Variants in DRG1 observed in about 807,000 individuals in gnomAD.
The protein encoded by DRG1 is developmentally regulated GTP binding protein 1, also known as developmentally-regulated GTP-binding protein 1.
In DRG1, 19 loss-of-function variants were observed where a neutral mutation model predicts 38.8. The ratio of observed to expected loss-of-function variants is 0.49; its 90% CI spans 0.34 to 0.72. The LOEUF (loss-of-function observed/expected upper bound fraction) is 0.72, where lower values mean the gene tolerates loss of function less well. DRG1 is among the 30% of genes least tolerant of loss of function. The pLI is 0.01. For synonymous variants in DRG1, 167 were observed against 157.5 expected, an observed-to-expected ratio of 1.06 and a Z score of -0.45; for missense variants, 299 against 444.8, an observed-to-expected ratio of 0.67 and a Z score of 2.95.
At chr22:31,430,319 A>G in intron 8 of DRG1, among the ~76,000 whole-genome samples, 1 of 151,960 alleles carries the variant, frequency 6.6e-6, no homozygotes, top group Non-Finnish European at 1.5e-5. Flanking sequence ...CTCACTATCC[A>G]TCATTTATCC....
At chr22:31,418,429 G>A (rs12485177) in intron 4 of DRG1, among the ~76,000 whole-genome samples, 4,994 of 152,224 alleles carry the variant, frequency 0.033, 205 homozygotes, top group Admixed American at 0.082. Flanking sequence ...CTGCACTCCA[G>A]CCTGAGTGAC....
chr22:31,423,165 T>G, intron 5 of DRG1, 115 bp from the exon 6 acceptor site: 2 of 1,293,140 alleles, frequency 1.5e-6, no homozygotes, highest in African/African-American at 1.5e-5. Context: ...CCCGGATGTA[T>G]TTAGTAATGA....
chr22:31,427,746 A>AT (rs1356917551), intron 8 of DRG1, among the ~76,000 whole-genome samples: 1 of 151,632 alleles, frequency 6.6e-6, no homozygotes, highest in African/African-American at 2.4e-5. Context: ...TTAATTTTTC[A>AT]TTTTTTGAGA....
At chr22:31,410,905 G>T in intron 3 of DRG1, 107 bp from the exon 4 acceptor site, 1 of 1,133,610 alleles carries the variant, frequency 8.8e-7, no homozygotes, top group Non-Finnish European at 1.3e-6. Context: ...TTGGATTTGG[G>T]TCTGATAAAT....
chr22:31,424,488 C>CTTTTTTTTTTTTTTTTTTTTT (rs398036881), intron 6 of DRG1, among the ~76,000 whole-genome samples: 1 of 71,396 alleles, frequency 1.4e-5, no homozygotes, highest in Non-Finnish European at 2.4e-5. Flanking sequence ...GCTTTGGTTT[C>CTTTTTTTTTTTTTTTTTTTTT]TTTTTTTTTT....
chr22:31,431,905 C>T (rs2050141272), intron 8 of DRG1, among the ~76,000 whole-genome samples: 1 of 152,092 alleles, frequency 6.6e-6, no homozygotes, highest in East Asian at 1.9e-4. Context: ...ATATATAGCT[C>T]TTTCCTTCTA....
At chr22:31,418,913 C>T (rs774280502) in intron 4 of DRG1, among the ~76,000 whole-genome samples, 4 of 152,036 alleles carry the variant, frequency 2.6e-5, no homozygotes, top group Non-Finnish European at 5.9e-5. Context: ...AATCAGCTCA[C>T]CTTGTGATCC....
chr22:31,414,136 A>C (rs1432114831), intron 4 of DRG1, among the ~76,000 whole-genome samples: 1 of 152,022 alleles, frequency 6.6e-6, no homozygotes, highest in Admixed American at 6.6e-5. Context: ...CCAACACCTA[A>C]TCTTGGAGAT....
Position 31,423,293 on chromosome 22 carries a change from A to G in DRG1, c.596A>G (p.Glu199Gly). The G allele has an allele frequency of 6.2e-7, 1 of 1,614,008 alleles. No homozygotes were observed. Among genetic ancestry groups the G allele is most frequent in the Non-Finnish European group, 8.5e-7 (1 of 1,180,030 alleles). ...ATTCCCTTTCAGTGCCCCCAGAGTG[A>G]GCTGGATGCTGAAACTGTGAAGAGC... is the stretch of plus-strand genomic sequence containing the variant. ...INLTATCPQS[E>G]LDAETVKSIL... Residue 199 changes from glutamate to glycine, a missense_variant, in exon 6 of 9, where the codon GAG (glutamate) becomes GGG (glycine). Coordinates refer to ENST00000331457, the MANE Select transcript of DRG1 (RefSeq NM_004147.4).
intron 1 of DRG1, 61 bp from the exon 2 acceptor site, chr22:31,400,559 T>C (rs1280463867): frequency 6.9e-6 from 11 of 1,589,094 alleles, no homozygotes; most frequent in Middle Eastern, 1.7e-4. Flanking sequence ...AAAATTATCC[T>C]CTCAAAGCTG....
At chr22:31,407,685 C>CT (rs71319190) in intron 3 of DRG1, among the ~76,000 whole-genome samples, 12,713 of 137,152 alleles carry the variant, frequency 0.093, 822 homozygotes, top group African/African-American at 0.19. Context: ...TTTCATTTTT[C>CT]TTTTTTTTTT....
In DRG1 at chr22:31,412,218, C is replaced by T. The variant is rs1272379093; in HGVS notation, c.412+1137C>T. Among the ~76,000 whole-genome samples the T allele has an allele frequency of 6.7e-5, 10 of 150,362 alleles. No homozygotes were observed. In the East Asian group the frequency reaches 1.4e-3, roughly 21 times the overall value. On this transcript the variant is annotated intron_variant, in intron 4 of 8. Coordinates refer to ENST00000331457, the MANE Select transcript of DRG1 (RefSeq NM_004147.4). ...CTGAGGCAGGAGAATGGCGTGAACC[C>T]GGGAGGTGGAGCTTGCAGTGAGCTG...
chr22:31,423,802 C>T (rs1410015973), intron 6 of DRG1, among the ~76,000 whole-genome samples: 3 of 151,116 alleles, frequency 2.0e-5, no homozygotes, highest in African/African-American at 4.9e-5. Context: ...GTTGGGATTA[C>T]AGGCATGAGC....
At chr22:31,403,977 C>CTT (rs11295429) in intron 3 of DRG1, among the ~76,000 whole-genome samples, 22,742 of 81,722 alleles carry the variant, frequency 0.28, 2,551 homozygotes, top group East Asian at 0.38. Context: ...AAGAGAATAA[C>CTT]TTTTTTTTTT....
intron 8 of DRG1, 110 bp downstream of exon 8, chr22:31,427,292 G>A: frequency 7.2e-7 from 1 of 1,387,716 alleles, no homozygotes; most frequent in Non-Finnish European, 9.6e-7. Context: ...GGAGGCTACT[G>A]AAATGTTTGC....
chr22:31,403,979 T>G lies in DRG1; in HGVS notation c.342+775T>G, dbSNP rs1053145235. Among the ~76,000 whole-genome samples, 303 of 33,312 alleles carry G rather than the reference T, an allele frequency of 9.1e-3. 1 individual carries two copies. Among genetic ancestry groups the G allele is most frequent in the Non-Finnish European group, 0.013 (205 of 15,718 alleles). The allele number at this position is 33,312 out of a possible 152,430, so 21.9% of individuals were successfully genotyped here. ...GCTTTGGCAGCTCAAGAGAATAACT[T>G]TTTTTTTTTTTTTTTTTTTTTGGTA... On this transcript the variant is annotated intron_variant, in intron 3 of 8. Coordinates refer to ENST00000331457, the MANE Select transcript of DRG1 (RefSeq NM_004147.4).
chr22:31,427,006 C>G, intron 7 of DRG1, 54 bp from the exon 8 acceptor site: 1 of 1,607,274 alleles, frequency 6.2e-7, no homozygotes, highest in Non-Finnish European at 8.5e-7. Flanking sequence ...GCTATACATT[C>G]AACACATGAG....
intron 4 of DRG1, among the ~76,000 whole-genome samples, chr22:31,411,901 T>C (rs1383671843): frequency 6.6e-6 from 1 of 152,100 alleles, no homozygotes; most frequent in Non-Finnish European, 1.5e-5. Context: ...AAGAACGCTA[T>C]CTTCTAGCAT....
intron 8 of DRG1, among the ~76,000 whole-genome samples, chr22:31,433,031 T>C (rs983722661): frequency 6.6e-6 from 1 of 152,076 alleles, no homozygotes; most frequent in African/African-American, 2.4e-5. Flanking sequence ...GGCCCATGGA[T>C]ATAAATTACC....
Sources: allele counts gnomAD v4.1 joint callset (sites outside exome capture counted in the v4.1 genomes callset), GRCh38; gene constraint gnomAD v4.1.1; transcripts MANE v1.5; gene names NCBI Gene and HGNC (gene_info 2026-07-23, HGNC 2026-07-21).